Variants in CHL1 observed in about 807,000 individuals in gnomAD.
The protein encoded by CHL1 is neural cell adhesion molecule L1-like protein.
CHL1 carries 96 observed loss-of-function variants against 141.9 expected under a neutral mutation model. That is an observed-to-expected ratio of 0.68 (90% CI 0.57 to 0.80). The LOEUF is 0.80. CHL1 is among the 30% of genes least tolerant of loss of function. CHL1 has a pLI of 0.00. For missense variants in CHL1, 1,820 were observed against 1,457.2 expected, an observed-to-expected ratio of 1.25 and a Z score of -4.05; for synonymous variants, 613 against 502.2, an observed-to-expected ratio of 1.22 and a Z score of -2.95.
chr3:385,975 C>T (rs914484412), intron 19 of CHL1, among the ~76,000 whole-genome samples: 3 of 151,938 alleles, frequency 2.0e-5, no homozygotes, highest in Non-Finnish European at 4.4e-5. Flanking sequence ...ATGGTGTCTC[C>T]TATTATCTTG....
chr3:208,980 C>G (rs931242056), intron 1 of CHL1, among the ~76,000 whole-genome samples: 35 of 152,192 alleles, frequency 2.3e-4, no homozygotes, highest in Middle Eastern at 3.4e-3. Context: ...TCCTCTGATG[C>G]TATTTCAGTA....
chr3:229,499 A>G (rs192353357), intron 1 of CHL1, among the ~76,000 whole-genome samples: 1 of 152,360 alleles, frequency 6.6e-6, no homozygotes, highest in East Asian at 1.9e-4. Flanking sequence ...AACCAAAAGA[A>G]TGCGAATGTT....
chr3:202,395 C>G (rs769582892), intron 1 of CHL1, among the ~76,000 whole-genome samples: 1 of 152,114 alleles, frequency 6.6e-6, no homozygotes, highest in African/African-American at 2.4e-5. Flanking sequence ...CTGTTGATTC[C>G]TACATTAATT....
rs1201237777 is a variant in CHL1, at chr3:408,323, G to A, written c.*2612G>A. 1 of 152,074 alleles carries A rather than the reference G, an allele frequency of 6.6e-6. No individual in the cohort carries two copies. The highest frequency in any genetic ancestry group is 2.4e-5 in the African/African-American group (1 of 41,412). 9.4% of individuals were successfully genotyped at this position (152,074 alleles called of 1,614,324 possible). On this transcript the variant is annotated 3_prime_UTR_variant, in exon 28 of 28. Transcript: ENST00000256509. Reference sequence around the variant, plus strand: ...TGTAATTGATTGTATATAGTCTCAAGAATGGTTGGTGGGCATGAGTTCCTA... The same window carrying A: ...TGTAATTGATTGTATATAGTCTCAAAAATGGTTGGTGGGCATGAGTTCCTA...
intron 14 of CHL1, among the ~76,000 whole-genome samples, chr3:364,485 C>T (rs956410245): frequency 6.6e-6 from 1 of 152,144 alleles, no homozygotes; most frequent in Admixed American, 6.6e-5. Flanking sequence ...ACTTTGCACT[C>T]CTATTGCCCA....
intron 2 of CHL1, among the ~76,000 whole-genome samples, chr3:275,890 G>GTA (rs1327261925): frequency 6.6e-6 from 1 of 151,852 alleles, no homozygotes; most frequent in African/African-American, 2.4e-5. Flanking sequence ...ATTATTAATT[G>GTA]TATATATATA....
At chr3:320,665 G>T (rs920084547) in intron 3 of CHL1, among the ~76,000 whole-genome samples, 1 of 151,814 alleles carries the variant, frequency 6.6e-6, no homozygotes, top group Non-Finnish European at 1.5e-5. Context: ...GACATTGCAC[G>T]CCAACCTGGA....
intron 6 of CHL1, 28 bp downstream of exon 6, chr3:340,944 AG>A (rs1476031508): frequency 7.5e-6 from 12 of 1,595,158 alleles, no homozygotes; most frequent in Non-Finnish European, 9.4e-6. Context: ...CCATCAAAAA[AG>A]GGGGACATTT....
At chr3:331,361 T>C (rs1429443431) in intron 5 of CHL1, among the ~76,000 whole-genome samples, 1 of 152,094 alleles carries the variant, frequency 6.6e-6, no homozygotes, top group Admixed American at 6.6e-5. Context: ...GCCTTCTGAG[T>C]AACTAGGACT....
chr3:309,652 G>C (rs1699586209), intron 2 of CHL1, among the ~76,000 whole-genome samples: 1 of 151,874 alleles, frequency 6.6e-6, no homozygotes, highest in Non-Finnish European at 1.5e-5. Flanking sequence ...TGGGAGTATA[G>C]GCACGTACCC....
At chr3:386,037 T>C (rs530092299) in intron 19 of CHL1, among the ~76,000 whole-genome samples, 4 of 152,142 alleles carry the variant, frequency 2.6e-5, no homozygotes, top group South Asian at 2.1e-4. Context: ...TTTAAGAACA[T>C]TCATTCACTG....
chr3:405,579 C>G lies in CHL1; in HGVS notation c.3543C>G (p.Val1181=). The change falls in exon 28 of 28, where the codon GTC becomes GTG. Residue 1181 remains valine, a synonymous_variant. Transcript: ENST00000256509. ...MQPTESADSL[V]EYGEGDHGLF... ...CTACTGAAAGTGCTGACAGCTTAGTCGAATACGGAGAGGGAGACCATGGTC... is the reference window on the plus strand; with the variant it reads ...CTACTGAAAGTGCTGACAGCTTAGTGGAATACGGAGAGGGAGACCATGGTC... 1 of 1,613,356 alleles carries G rather than the reference C, an allele frequency of 6.2e-7. No individual in the cohort carries two copies. Among genetic ancestry groups the G allele is most frequent in the Middle Eastern group, 1.7e-4 (1 of 6,056 alleles).
chr3:258,951 T>C (rs376677282), intron 2 of CHL1, among the ~76,000 whole-genome samples: 2,912 of 145,778 alleles, frequency 0.02, 40 homozygotes, highest in Middle Eastern at 0.035. Flanking sequence ...TTTTTTTTTT[T>C]CTGAGACATT....
chr3:392,039 A>G lies in CHL1; in HGVS notation c.2914+242A>G, dbSNP rs1708269840. On this transcript the variant is annotated intron_variant, in intron 23 of 27. Coordinates refer to ENST00000256509, the MANE Select transcript of CHL1 (RefSeq NM_006614.4). ...CACTTATTTATATATGTCTACAGCT[A>G]CTTTCTCCCTGGAGTGGCAAAGTTG... Among the ~76,000 whole-genome samples the G allele has an allele frequency of 2.0e-5, 3 of 152,328 alleles. No homozygotes were observed. The South Asian group carries it at 6.2e-4, about 32-fold the overall frequency.
chr3:378,408 C>T (rs1330063496), intron 16 of CHL1, among the ~76,000 whole-genome samples: 1 of 152,126 alleles, frequency 6.6e-6, no homozygotes, highest in Admixed American at 6.6e-5. Context: ...TTCCAGCATT[C>T]TACAAAGGAA....
intron 1 of CHL1, among the ~76,000 whole-genome samples, chr3:200,712 T>C (rs1341204059): frequency 2.0e-5 from 3 of 152,230 alleles, no homozygotes; most frequent in African/African-American, 7.2e-5. Flanking sequence ...ACAAGTAGAA[T>C]TGGCATTGAG....
chr3:281,442 C>T (rs990076046), intron 2 of CHL1, among the ~76,000 whole-genome samples: 3 of 152,136 alleles, frequency 2.0e-5, no homozygotes, highest in African/African-American at 7.2e-5. Flanking sequence ...GTCGGTTCTC[C>T]TGGACTACCA....
At chr3:283,999 T>C (rs1192582679) in intron 2 of CHL1, among the ~76,000 whole-genome samples, 1 of 152,246 alleles carries the variant, frequency 6.6e-6, no homozygotes, top group African/African-American at 2.4e-5. Flanking sequence ...TCTCCCTCAC[T>C]GATTCATCCA....
Position 389,448 on chromosome 3 carries a change from C to T in CHL1, c.2444C>T (p.Ser815Leu), listed in dbSNP as rs764448973. 6.2e-7 allele frequency: 1 copy of T among 1,614,106 alleles called. No homozygotes were observed. The highest frequency in any genetic ancestry group is 1.1e-5 in the South Asian group (1 of 91,076). Residue 815 changes from serine to leucine, a missense_variant, in exon 20 of 28, where the codon TCA (serine) becomes TTA (leucine). Physicochemically the swap from Ser to Leu is moderately radical, Grantham distance 145. Transcript: ENST00000256509. The stretch of plus-strand genomic sequence containing the variant: ...CTAGGATCTGGGCCTGACCCTCAGT[C>T]AGTGACTCTCTATTCTGGAGAAGAC... ...NQLGSGPDPQ[S>L]VTLYSGEDYP...
Sources: gnomAD v4.1 joint callset for allele counts (sites outside exome capture counted in the v4.1 genomes callset) on GRCh38, gnomAD v4.1.1 for gene constraint, MANE v1.5 for transcripts, NCBI Gene and HGNC (gene_info 2026-07-23, HGNC 2026-07-21) for gene names.